ZNF675: variants seen among roughly 807,000 people sequenced by gnomAD.
ZNF675 encodes zinc finger protein 675.
A neutral mutation model predicts 56.1 loss-of-function variants in ZNF675; 36 were observed. The ratio of observed to expected loss-of-function variants is 0.64; its 90% CI spans 0.49 to 0.85. ZNF675 has a LOEUF of 0.85. Among genes scored for constraint, ZNF675 ranks in the 40% least tolerant of loss-of-function variants. ZNF675 has a pLI of 0.00. For missense variants in ZNF675, 663 were observed against 654.2 expected (o/e 1.01, Z -0.15); for synonymous variants, 200 against 218.9 (o/e 0.91, Z 0.76).
In ZNF675 at chr19:23,653,291, A is replaced by G. The variant is rs1175703104; in HGVS notation, c.1642T>C (p.Ser548Pro). The G allele has an allele frequency of 1.2e-6, 2 of 1,613,336 alleles. No individual in the cohort carries two copies. The highest frequency in any genetic ancestry group is 1.7e-6 in the Non-Finnish European group (2 of 1,179,760). Reference sequence around the variant, plus strand: ...TTTTTATGTTTAGTAAGGTTTGCAGATTGGTTAAAAGCTTTGTCACATCTC... The same window carrying G: ...TTTTTATGTTTAGTAAGGTTTGCAGGTTGGTTAAAAGCTTTGTCACATCTC... ...CERCDKAFNQ[S>P]ANLTKHKKIH... is the part of the protein sequence containing the mutation. Residue 548 changes from serine to proline, a missense_variant, in exon 4 of 4, where the codon TCT becomes CCT. By Grantham distance (74) the Ser-to-Pro change is moderately conservative. This residue lies in a region of ZNF675 where 617 missense variants were observed against 590.5 expected (regional missense o/e 1.04). Transcript: ENST00000359788.
At chr19:23,663,507 A>G (rs1207839181) in intron 1 of ZNF675, among the ~76,000 whole-genome samples, 1 of 152,182 alleles carries the variant, frequency 6.6e-6, no homozygotes, top group Non-Finnish European at 1.5e-5. Flanking sequence ...CACCTGACCA[A>G]CATGGAGAAA....
chr19:23,662,845 A>G (rs750531201), intron 2 of ZNF675, among the ~76,000 whole-genome samples, 187 bp downstream of exon 2: 1 of 152,100 alleles, frequency 6.6e-6, no homozygotes, highest in African/African-American at 2.4e-5. Flanking sequence ...TTAGCTAGGC[A>G]TGGTGGCTCA....
Position 23,653,101 on chromosome 19 carries a change from T to C in ZNF675, c.*125A>G, listed in dbSNP as rs574779691. The C allele has an allele frequency of 8.7e-6, 8 of 917,400 alleles. No individual in the cohort carries two copies. In the South Asian group the frequency reaches 1.6e-4, roughly 18 times the overall value. 56.8% of individuals were successfully genotyped at this position (917,400 alleles called of 1,614,324 possible). A position where few individuals can be genotyped will look rare whatever the true frequency, so the allele number is the denominator to read the frequency against. On this transcript the variant is annotated 3_prime_UTR_variant, in exon 4 of 4. Coordinates refer to ENST00000359788, the MANE Select transcript of ZNF675 (RefSeq NM_138330.3). Reference sequence around the variant, plus strand: ...TTGTAGTTTTCTCCAGTATGAATTATCTTACATACAATGAAGTGTGAAAAC... The same window carrying C: ...TTGTAGTTTTCTCCAGTATGAATTACCTTACATACAATGAAGTGTGAAAAC...
rs1243818578 is a variant in ZNF675 at position 23,654,665 on chromosome 19, T to C, written c.268A>G (p.Asn90Asp). 1.3e-6 allele frequency: 2 copies of C among 1,581,444 alleles called. No homozygotes were observed. Among genetic ancestry groups the C allele is most frequent in the South Asian group, 2.3e-5 (2 of 85,366 alleles). Residue 90 changes from asparagine (N) to aspartate (D), a missense_variant, in exon 4 of 4, where the codon AAC becomes GAC. Physicochemically the swap from Asn to Asp is conservative, Grantham distance 23 (BLOSUM62 1). Transcript: ENST00000359788. ...ACTTTTTCAAAAGAATCTTTTATGT[T>C]CTGCTCTGGCCAAAACTCTTGGGCA... ...HFAQEFWPEQ[N>D]IKDSFEKVTL...
chr19:23,673,942 C>G (rs1968258118), intron 1 of ZNF675, among the ~76,000 whole-genome samples: 1 of 151,862 alleles, frequency 6.6e-6, no homozygotes, highest in African/African-American at 2.4e-5. Flanking sequence ...GTGGCTCACG[C>G]CTGTAATCCC....
Sources: gnomAD v4.1 joint callset for allele counts (sites outside exome capture counted in the v4.1 genomes callset) on GRCh38, gnomAD v4.1.1 for gene constraint, gnomAD v4.1.1 regional missense constraint, MANE v1.5 for transcripts, NCBI Gene and HGNC (gene_info 2026-07-23, HGNC 2026-07-21) for gene names.